EXOC2: variants seen among roughly 807,000 people sequenced by gnomAD.
EXOC2 encodes the protein exocyst complex component 2.
Under a neutral mutation model 131.8 loss-of-function variants are expected in EXOC2, and 70 were observed. The ratio of observed to expected loss-of-function variants is 0.53; its 90% CI spans 0.44 to 0.65. The LOEUF (loss-of-function observed/expected upper bound fraction) is 0.65. Among genes scored for constraint, EXOC2 ranks in the 30% least tolerant of loss-of-function variants. EXOC2 has a pLI of 0.00. For synonymous variants in EXOC2, 411 were observed against 398.4 expected (o/e 1.03, Z -0.38); for missense variants, 923 against 1,108.6 (o/e 0.83, Z 2.38).
intron 11 of EXOC2, among the ~76,000 whole-genome samples, chr6:577,914 A>C (rs896558988): frequency 6.6e-6 from 1 of 152,188 alleles, no homozygotes; most frequent in Admixed American, 6.5e-5. Flanking sequence ...TTATCTACCT[A>C]AAGTGCTACC....
intron 7 of EXOC2, among the ~76,000 whole-genome samples, chr6:607,927 G>A (rs189442557): frequency 1.3e-5 from 2 of 152,134 alleles, no homozygotes; most frequent in African/African-American, 2.4e-5. Flanking sequence ...GTTTCCTGCA[G>A]CCAACAGTAT....
At chr6:682,353 C>T (rs1764447761) in intron 1 of EXOC2, among the ~76,000 whole-genome samples, 1 of 152,160 alleles carries the variant, frequency 6.6e-6, no homozygotes, top group African/African-American at 2.4e-5. Context: ...GCAACCACTA[C>T]CACGCCCGGC....
chr6:545,633 T>A (rs1039839763), intron 22 of EXOC2, among the ~76,000 whole-genome samples: 9 of 152,122 alleles, frequency 5.9e-5, no homozygotes, highest in Non-Finnish European at 1.2e-4. Context: ...ACATCGTAAT[T>A]AAAAAGATGA....
In EXOC2 at chr6:555,984, C is replaced by T; in HGVS notation, c.1962G>A (p.Glu654=). ...SVFQQPKTQE[E]VCQLSINIMQ... Reference sequence around the variant, plus strand: ...TTATATTGATGCTTAGCTGGCAAACCTCCTCCTGTGTTTTAGGTTGTTGGA... The same window carrying T: ...TTATATTGATGCTTAGCTGGCAAACTTCCTCCTGTGTTTTAGGTTGTTGGA... Residue 654 remains glutamate, a synonymous_variant, in exon 19 of 28, where the codon GAG becomes GAA. Coordinates refer to ENST00000230449, the MANE Select transcript of EXOC2 (RefSeq NM_018303.6). 1 of 1,614,100 alleles carries T rather than the reference C, an allele frequency of 6.2e-7. No individual in the cohort carries two copies. Among genetic ancestry groups the T allele is most frequent in the Non-Finnish European group, 8.5e-7 (1 of 1,180,016 alleles).
chr6:509,184 T>A (rs1204741646), intron 23 of EXOC2, among the ~76,000 whole-genome samples: 2 of 152,256 alleles, frequency 1.3e-5, no homozygotes, highest in Non-Finnish European at 2.9e-5. Flanking sequence ...TATTCTAGCA[T>A]GGATGTATCA....
intron 22 of EXOC2, among the ~76,000 whole-genome samples, chr6:540,664 T>C (rs1053976183): frequency 6.6e-6 from 1 of 151,958 alleles, no homozygotes; most frequent in African/African-American, 2.4e-5. Context: ...AATTAAGAGA[T>C]GTGAAGAATA....
chr6:656,256 C>T lies in EXOC2; in HGVS notation c.-43-18395G>A, dbSNP rs200216137. ...CTGCAGAAGCTTCCGATTGTCCACC[C>T]GCACTTGCACCATGCTCTCCAGGTC... is the stretch of plus-strand genomic sequence containing the variant. On this transcript the variant is annotated intron_variant, in intron 1 of 27. Transcript: ENST00000230449. The T allele has an allele frequency of 5.3e-4, 860 of 1,614,248 alleles. 5 individuals carry two copies. The Admixed American group carries it at 0.013, about 25-fold the overall frequency.
chr6:604,075 A>T (rs1450175375), intron 7 of EXOC2, among the ~76,000 whole-genome samples: 2 of 152,192 alleles, frequency 1.3e-5, no homozygotes, highest in Non-Finnish European at 2.9e-5. Context: ...GAGGCAACTG[A>T]GACACAGAGG....
At chr6:563,916 T>C (rs996902328) in intron 16 of EXOC2, 117 bp downstream of exon 16, 13 of 1,393,102 alleles carry the variant, frequency 9.3e-6, no homozygotes, top group South Asian at 3.0e-5. Flanking sequence ...TGAACTAATA[T>C]ATTCCAATTT....
chr6:620,144 A>G (rs1761209369), intron 4 of EXOC2, among the ~76,000 whole-genome samples: 1 of 152,234 alleles, frequency 6.6e-6, no homozygotes, highest in Admixed American at 6.5e-5. Context: ...CTACATGTTT[A>G]AGACTGACTT....
intron 3 of EXOC2, among the ~76,000 whole-genome samples, chr6:631,113 G>C (rs759809394): frequency 6.6e-6 from 1 of 152,234 alleles, no homozygotes; most frequent in Non-Finnish European, 1.5e-5. Flanking sequence ...CATGGGAGAA[G>C]GCTGTCTGAA....
chr6:571,907 G>A (rs1758296008), intron 13 of EXOC2, among the ~76,000 whole-genome samples: 2 of 152,204 alleles, frequency 1.3e-5, no homozygotes, highest in African/African-American at 2.4e-5. Context: ...TGACTTCCAT[G>A]TGCCACACAT....
chr6:660,003 G>A (rs561224751), intron 1 of EXOC2, among the ~76,000 whole-genome samples: 26 of 150,472 alleles, frequency 1.7e-4, no homozygotes, highest in Non-Finnish European at 3.6e-4. Flanking sequence ...GTTGGGGGGG[G>A]GACACGGGGG....
chr6:630,350 A>C (rs73716865), intron 3 of EXOC2, among the ~76,000 whole-genome samples: 2,139 of 152,372 alleles, frequency 0.014, 56 homozygotes, highest in African/African-American at 0.048. Context: ...AAGATGAAAT[A>C]ATATGACCTA....
At chr6:643,803 C>T (rs966321601) in intron 1 of EXOC2, among the ~76,000 whole-genome samples, 3 of 151,900 alleles carry the variant, frequency 2.0e-5, no homozygotes, top group Non-Finnish European at 4.4e-5. Flanking sequence ...TTCAAAAAAA[C>T]TCTCTAGAAA....
chr6:663,089 C>T (rs1179500573), intron 1 of EXOC2, among the ~76,000 whole-genome samples: 4 of 152,042 alleles, frequency 2.6e-5, no homozygotes, highest in South Asian at 2.1e-4. Flanking sequence ...GCCAAATGAT[C>T]GCACTAAGAA....
intron 23 of EXOC2, among the ~76,000 whole-genome samples, chr6:508,622 T>C (rs1764690544): frequency 6.6e-6 from 1 of 152,244 alleles, no homozygotes. Context: ...CATTTCATCT[T>C]AGTGCCGAGT....
intron 26 of EXOC2, among the ~76,000 whole-genome samples, chr6:489,497 TAC>T (rs1763296638): frequency 6.6e-6 from 1 of 152,220 alleles, no homozygotes; most frequent in Non-Finnish European, 1.5e-5. Flanking sequence ...TTGTAATAAT[TAC>T]AGTCTACTTA....
Position 662,845 on chromosome 6 carries a change from A to T in EXOC2, c.-43-24984T>A, listed in dbSNP as rs185880810. 2.2e-3 allele frequency among the ~76,000 whole-genome samples: 342 copies of T among 152,242 alleles called. 1 individual carries two copies. Among genetic ancestry groups the T allele is most frequent in the African/African-American group, 8.0e-3 (334 of 41,562 alleles). On this transcript the variant is annotated intron_variant, in intron 1 of 27. Coordinates refer to ENST00000230449, the MANE Select transcript of EXOC2 (RefSeq NM_018303.6). ...ATTAAATGAAATTGAAAAAACACCA[A>T]CAAAATACAAAAGATAAATGAAACA...
Sources: gnomAD v4.1 joint callset for allele counts (sites outside exome capture counted in the v4.1 genomes callset) on GRCh38, gnomAD v4.1.1 for gene constraint, MANE v1.5 for transcripts, NCBI Gene and HGNC (gene_info 2026-07-23, HGNC 2026-07-21) for gene names.